CDH10: variants seen among roughly 807,000 people sequenced by gnomAD.
CDH10 encodes the protein cadherin-10.
A neutral mutation model predicts 73.1 loss-of-function variants in CDH10; 30 were observed. The observed-to-expected ratio is 0.41, with a 90% CI of 0.31 to 0.56. The LOEUF is 0.56. Among genes scored for constraint, CDH10 ranks in the 20% least tolerant of loss-of-function variants. The probability of loss-of-function intolerance (pLI) is 0.27; values close to 1 mark genes in which losing one functional copy is unlikely to be tolerated. For synonymous variants in CDH10, 345 were observed against 348.2 expected (o/e 0.99, Z 0.10); for missense variants, 815 against 973.7 (o/e 0.84, Z 2.17).
At chr5:24,502,097 T>G (rs1742520459) in intron 8 of CDH10, among the ~76,000 whole-genome samples, 1 of 151,738 alleles carries the variant, frequency 6.6e-6, no homozygotes, top group Non-Finnish European at 1.5e-5. Context: ...TTTTTTTGTA[T>G]TTTTTTAGTA....
At position 24,564,106 on chromosome 5, in the gene CDH10, G is replaced by T. The variant is rs1745075610; in HGVS notation, c.232-26432C>A. ...TCTCTGGTTCCTCTTAGTCAAAAAT[G>T]ATATTTAGAAACAAATATCTCTGTA... is the stretch of plus-strand genomic sequence containing the variant. On this transcript the variant is annotated intron_variant, in intron 2 of 11. Coordinates refer to ENST00000264463, the MANE Select transcript of CDH10 (RefSeq NM_006727.5). Among the ~76,000 whole-genome samples, 8 of 152,130 alleles carry T rather than the reference G, an allele frequency of 5.3e-5. No individual in the cohort carries two copies. The South Asian group carries it at 1.7e-3, about 32-fold the overall frequency.
chr5:24,534,824 G>T (rs1010772270), intron 5 of CDH10, among the ~76,000 whole-genome samples: 4 of 152,006 alleles, frequency 2.6e-5, no homozygotes, highest in African/African-American at 9.7e-5. Flanking sequence ...TTAGCTGAAA[G>T]AAACAGTTCT....
Position 24,512,770 on chromosome 5 carries a change from A to G in CDH10, c.815-1256T>C, listed in dbSNP as rs1012860940. 1.6e-4 allele frequency among the ~76,000 whole-genome samples: 24 copies of G among 152,074 alleles called. No individual in the cohort carries two copies. The East Asian group carries it at 1.9e-3, about 12-fold the overall frequency. ...TGATGGATTAATCAACCTCAAGTAC[A>G]CTCTGATTATAGCACCTTCTTGCTC... is the stretch of plus-strand genomic sequence containing the variant. On this transcript the variant is annotated intron_variant, in intron 5 of 11. Transcript: ENST00000264463.
intron 2 of CDH10, among the ~76,000 whole-genome samples, chr5:24,567,968 A>T (rs1331553338): frequency 2.0e-5 from 3 of 152,102 alleles, no homozygotes; most frequent in Admixed American, 1.3e-4. Context: ...GTCTCACCCA[A>T]AAAATTCAAT....
At chr5:24,587,850 G>T (rs945013086) in intron 2 of CDH10, among the ~76,000 whole-genome samples, 27 of 152,258 alleles carry the variant, frequency 1.8e-4, no homozygotes, top group Admixed American at 7.8e-4. Context: ...TTGCTAAAAT[G>T]ATATAGTGAG....
chr5:24,505,820 A>G (rs978467227), intron 7 of CDH10, among the ~76,000 whole-genome samples: 99 of 152,148 alleles, frequency 6.5e-4, no homozygotes, highest in African/African-American at 2.2e-3. Context: ...TTTTAAAAAT[A>G]GAAAAGTCTG....
chr5:24,586,928 T>C (rs1746033796), intron 2 of CDH10, among the ~76,000 whole-genome samples: 1 of 142,526 alleles, frequency 7.0e-6, no homozygotes, highest in Non-Finnish European at 1.5e-5. Flanking sequence ...CACTGCAAGC[T>C]CCGCCTCCCG....
intron 2 of CDH10, among the ~76,000 whole-genome samples, chr5:24,566,605 C>T (rs1483695777): frequency 6.6e-6 from 1 of 152,052 alleles, no homozygotes; most frequent in African/African-American, 2.4e-5. Flanking sequence ...TCAATGAGGA[C>T]AGGAAAGTTG....
At chr5:24,488,799 C>A (rs531360605) in intron 11 of CDH10, among the ~76,000 whole-genome samples, 36 of 139,960 alleles carry the variant, frequency 2.6e-4, no homozygotes, top group African/African-American at 7.8e-4. Flanking sequence ...AGACCCCCCC[C>A]CCAAAAAAAA....
chr5:24,634,622 T>C (rs1747810628), intron 1 of CDH10, among the ~76,000 whole-genome samples: 1 of 151,714 alleles, frequency 6.6e-6, no homozygotes, highest in African/African-American at 2.4e-5. Context: ...AAAGAGATAA[T>C]AAATGTAAAT....
intron 5 of CDH10, among the ~76,000 whole-genome samples, chr5:24,531,294 C>CTGATGCTT (rs1286072660): frequency 6.6e-6 from 1 of 152,044 alleles, no homozygotes; most frequent in Non-Finnish European, 1.5e-5. Context: ...TTGCCAGTCA[C>CTGATGCTT]TGATGCTTTT....
intron 11 of CDH10, among the ~76,000 whole-genome samples, chr5:24,488,498 T>G (rs76584363): frequency 6.6e-6 from 1 of 152,130 alleles, no homozygotes; most frequent in South Asian, 2.1e-4. Flanking sequence ...TAAGATACTA[T>G]ATAAAATTTG....
chr5:24,542,806 G>C (rs1014714476), intron 2 of CDH10, among the ~76,000 whole-genome samples: 2 of 151,974 alleles, frequency 1.3e-5, no homozygotes, highest in Non-Finnish European at 2.9e-5. Flanking sequence ...CATGGCAGAA[G>C]GGCAAAAGGT....
chr5:24,627,499 C>A (rs1747550999), intron 1 of CDH10, among the ~76,000 whole-genome samples: 1 of 152,022 alleles, frequency 6.6e-6, no homozygotes, highest in Admixed American at 6.6e-5. Context: ...TTTAAACATG[C>A]AATAGCGGTT....
At chr5:24,498,320 T>G in intron 9 of CDH10, 78 bp downstream of exon 9, 2 of 897,692 alleles carry the variant, frequency 2.2e-6, no homozygotes, top group South Asian at 1.7e-5. Context: ...GTGTATTCTT[T>G]CCTCTCAGGA....
At chr5:24,642,264 T>G (rs1748079363) in intron 1 of CDH10, among the ~76,000 whole-genome samples, 1 of 152,110 alleles carries the variant, frequency 6.6e-6, no homozygotes, top group Non-Finnish European at 1.5e-5. Context: ...CAGTAAGACG[T>G]GTTATCACTT....
At chr5:24,526,377 T>A (rs1436496334) in intron 5 of CDH10, among the ~76,000 whole-genome samples, 1 of 151,996 alleles carries the variant, frequency 6.6e-6, no homozygotes. Context: ...TTTCCCCTGG[T>A]TCTGTCATGC....
At chr5:24,548,786 T>C in intron 2 of CDH10, among the ~76,000 whole-genome samples, 1 of 152,132 alleles carries the variant, frequency 6.6e-6, no homozygotes, top group Non-Finnish European at 1.5e-5. Context: ...GTGTTCTTTA[T>C]ACATATTGTT....
chr5:24,560,933 G>A (rs937689792), intron 2 of CDH10, among the ~76,000 whole-genome samples: 15 of 151,984 alleles, frequency 9.9e-5, no homozygotes, highest in African/African-American at 3.6e-4. Flanking sequence ...TACTAGACTT[G>A]AATTCTAGCT....
Sources: gnomAD v4.1 joint callset for allele counts (sites outside exome capture counted in the v4.1 genomes callset) on GRCh38, gnomAD v4.1.1 for gene constraint, MANE v1.5 for transcripts, NCBI Gene and HGNC (gene_info 2026-07-23, HGNC 2026-07-21) for gene names.